Variants in TEX9 observed in about 807,000 individuals in gnomAD.
TEX9 encodes the protein testis expressed 9.
Under a neutral mutation model 59.6 loss-of-function variants are expected in TEX9, and 74 were observed. The ratio of observed to expected loss-of-function variants is 1.24; its 90% confidence interval spans 1.03 to 1.51. TEX9 has a LOEUF of 1.51. Ranked by LOEUF, TEX9 falls within the 40% of genes most tolerant of loss-of-function variation. The probability of loss-of-function intolerance (pLI) is 0.00; values close to 1 mark genes in which losing one functional copy is unlikely to be tolerated. For synonymous variants in TEX9, 186 were observed against 152.2 expected, an observed-to-expected ratio of 1.22 and a Z score of -1.64; for missense variants, 522 against 447.8, an observed-to-expected ratio of 1.17 and a Z score of -1.49.
intron 1 of TEX9, among the ~76,000 whole-genome samples, chr15:56,285,122 T>C (rs1384154103): frequency 6.6e-6 from 1 of 152,206 alleles, no homozygotes; most frequent in East Asian, 1.9e-4. Context: ...TCTCACACCT[T>C]CTATGAGATT....
chr15:56,311,762 A>G (rs1485902044), intron 1 of TEX9, among the ~76,000 whole-genome samples: 2 of 143,944 alleles, frequency 1.4e-5, no homozygotes. Flanking sequence ...TCCCACCAAC[A>G]GTGTAAAAGT....
intron 4 of TEX9, among the ~76,000 whole-genome samples, chr15:56,388,085 A>T (rs2048042468): frequency 1.3e-5 from 2 of 152,026 alleles, no homozygotes; most frequent in South Asian, 4.1e-4. Flanking sequence ...ACAGGCACTA[A>T]CCAGGTGTTT....
downstream of TEX9, among the ~76,000 whole-genome samples, chr15:56,449,069 T>G (rs575675278): frequency 6.6e-6 from 1 of 152,248 alleles, no homozygotes; most frequent in African/African-American, 2.4e-5. Context: ...GTAGATGCTT[T>G]TGGATGTTCT....
At chr15:56,393,190 A>G (rs1306878311) in intron 7 of TEX9, among the ~76,000 whole-genome samples, 2 of 152,300 alleles carry the variant, frequency 1.3e-5, no homozygotes, top group Middle Eastern at 3.4e-3. Flanking sequence ...TCTTTCCCTC[A>G]GAGGCCAACT....
chr15:56,389,509 A>G, intron 6 of TEX9, 109 bp downstream of exon 6: 2 of 773,442 alleles, frequency 2.6e-6, no homozygotes, highest in Non-Finnish European at 4.2e-6. Context: ...TTTACACCCT[A>G]AACATTAAGT....
At chr15:56,425,302 A>G (rs1405673738) in intron 10 of TEX9, among the ~76,000 whole-genome samples, 9 of 152,134 alleles carry the variant, frequency 5.9e-5, no homozygotes, top group African/African-American at 1.7e-4. Flanking sequence ...TTTTTCAGCT[A>G]TTCTTCAAAT....
intron 2 of TEX9, among the ~76,000 whole-genome samples, chr15:56,370,576 C>G (rs1381059764): frequency 6.6e-6 from 1 of 152,140 alleles, no homozygotes; most frequent in Non-Finnish European, 1.5e-5. Context: ...CTTATATTGT[C>G]TGTTGGTAAT....
At chr15:56,436,388 A>G (rs2140336917) in intron 12 of TEX9, among the ~76,000 whole-genome samples, 1 of 152,296 alleles carries the variant, frequency 6.6e-6, no homozygotes, top group Admixed American at 6.5e-5. Flanking sequence ...GGCAGAAATA[A>G]AGATGTTCTT....
chr15:56,401,185 G>A lies in TEX9; in HGVS notation c.828+6351G>A, dbSNP rs549868459. ...TGCCCCAATTAAAAGACACAGACTCGCAAATTGGATATAGAGTCAAGACCC... is the reference window on the plus strand; with the variant it reads ...TGCCCCAATTAAAAGACACAGACTCACAAATTGGATATAGAGTCAAGACCC... On this transcript the variant is annotated intron_variant, in intron 9 of 12. Transcript: ENST00000352903. Among the ~76,000 whole-genome samples, 5 of 151,654 alleles carry A rather than the reference G, an allele frequency of 3.3e-5. No homozygotes were observed. In the South Asian group the frequency reaches 8.4e-4, roughly 25 times the overall value.
intron 1 of TEX9, among the ~76,000 whole-genome samples, chr15:56,321,358 G>T (rs551260489): frequency 8.6e-4 from 131 of 152,184 alleles, no homozygotes; most frequent in Non-Finnish European, 6.3e-4. Flanking sequence ...GACTCAGAAT[G>T]CAGGGCTCAA....
At chr15:56,337,026 GCTTGTATCCT>G (rs2046269967) in intron 1 of TEX9, among the ~76,000 whole-genome samples, 1 of 152,146 alleles carries the variant, frequency 6.6e-6, no homozygotes, top group African/African-American at 2.4e-5. Context: ...CGCTTGTACA[GCTTGTATCCT>G]CTTGCTTCAT....
At chr15:56,339,442 A>G (rs2141823274) in intron 1 of TEX9, among the ~76,000 whole-genome samples, 1 of 145,754 alleles carries the variant, frequency 6.9e-6, no homozygotes, top group African/African-American at 2.5e-5. Context: ...CCCTGGGCAA[A>G]ACCATTCATT....
chr15:56,308,746 G>C (rs1365057321), intron 1 of TEX9, among the ~76,000 whole-genome samples: 1 of 152,060 alleles, frequency 6.6e-6, no homozygotes, highest in African/African-American at 2.4e-5. Context: ...TGAGGAAGGG[G>C]TCCAACTTCA....
chr15:56,290,855 G>T (rs1477324915), intron 1 of TEX9, among the ~76,000 whole-genome samples: 2 of 151,788 alleles, frequency 1.3e-5, no homozygotes, highest in African/African-American at 4.8e-5. Context: ...CCCTCTCTGG[G>T]CTATTTTGGT....
At chr15:56,416,336 G>C (rs916062601) in intron 10 of TEX9, among the ~76,000 whole-genome samples, 1 of 151,856 alleles carries the variant, frequency 6.6e-6, no homozygotes, top group African/African-American at 2.4e-5. Context: ...TCAGTATAAT[G>C]TTGGCTGTGG....
At chr15:56,399,565 G>A (rs533926109) in intron 9 of TEX9, among the ~76,000 whole-genome samples, 102 of 152,346 alleles carry the variant, frequency 6.7e-4, no homozygotes, top group African/African-American at 2.4e-3. Context: ...GACAACTTCT[G>A]CAGACTTAAA....
At chr15:56,365,382 A>AC, upstream of TEX9, 1 of 1,564,354 alleles carries the variant, frequency 6.4e-7, no homozygotes, top group Non-Finnish European at 8.7e-7. Flanking sequence ...GGCGGGAGGC[A>AC]ACCGGGATGT....
chr15:56,359,546 T>C (rs977475773), intron 1 of TEX9, among the ~76,000 whole-genome samples: 4 of 152,220 alleles, frequency 2.6e-5, no homozygotes, highest in African/African-American at 4.8e-5. Context: ...ATTTCATTTC[T>C]TTTTAAGGCT....
At chr15:56,390,795 T>G (rs1479267090) in intron 6 of TEX9, among the ~76,000 whole-genome samples, 1 of 152,086 alleles carries the variant, frequency 6.6e-6, no homozygotes, top group Non-Finnish European at 1.5e-5. Context: ...TGTAGAATTA[T>G]GGCCAGGATG....
Sources: allele counts gnomAD v4.1 joint callset (sites outside exome capture counted in the v4.1 genomes callset), GRCh38; gene constraint gnomAD v4.1.1; transcripts MANE v1.5; gene names NCBI Gene and HGNC (gene_info 2026-07-23, HGNC 2026-07-21).